The following L3MBTL4 variants were observed in gnomAD, a reference collection of about 807,000 sequenced individuals.
L3MBTL4 encodes lethal(3)malignant brain tumor-like protein 4.
L3MBTL4 carries 70 observed loss-of-function variants against 84.5 expected under a neutral mutation model. The observed-to-expected ratio is 0.83, with a 90% CI of 0.68 to 1.01. The LOEUF is 1.01. Ranked by LOEUF, L3MBTL4 falls within the 50% of genes least tolerant of loss-of-function variation. The pLI, the probability that L3MBTL4 is intolerant of heterozygous loss-of-function variation, is 0.00. For missense variants in L3MBTL4, 715 were observed against 754.8 expected (o/e 0.95, Z 0.62); for synonymous variants, 274 against 259.8 (o/e 1.05, Z -0.52).
At chr18:6,399,506 G>T (rs1396188190) in intron 1 of L3MBTL4, among the ~76,000 whole-genome samples, 1 of 152,112 alleles carries the variant, frequency 6.6e-6, no homozygotes, top group African/African-American at 2.4e-5. Context: ...GTTCTTGAAG[G>T]TATATTAACT....
intron 5 of L3MBTL4, among the ~76,000 whole-genome samples, chr18:6,252,036 G>A (rs186812235): frequency 1.3e-5 from 2 of 152,328 alleles, no homozygotes; most frequent in East Asian, 3.9e-4. Context: ...GACAGGCCGG[G>A]CACGGTGGCT....
At chr18:6,291,896 A>C (rs1450823199) in intron 4 of L3MBTL4, among the ~76,000 whole-genome samples, 1 of 152,220 alleles carries the variant, frequency 6.6e-6, no homozygotes, top group African/African-American at 2.4e-5. Flanking sequence ...AGGAACCATC[A>C]ACAAAGTGAA....
At chr18:6,072,845 C>CAG (rs912711815) in intron 16 of L3MBTL4, among the ~76,000 whole-genome samples, 2 of 95,566 alleles carry the variant, frequency 2.1e-5, no homozygotes, top group Admixed American at 2.9e-4. Flanking sequence ...GCCTGGGTGA[C>CAG]AGAGAGAGAG....
chr18:6,407,164 G>A (rs886805199), intron 1 of L3MBTL4, among the ~76,000 whole-genome samples: 2 of 152,124 alleles, frequency 1.3e-5, no homozygotes, highest in African/African-American at 4.8e-5. Context: ...GAATAAAGTG[G>A]CCCTAAAGAT....
chr18:6,234,858 A>T (rs1161962019), intron 10 of L3MBTL4, among the ~76,000 whole-genome samples: 1 of 152,216 alleles, frequency 6.6e-6, no homozygotes, highest in African/African-American at 2.4e-5. Flanking sequence ...CTGTAAAGAC[A>T]CATGCACATG....
intron 10 of L3MBTL4, among the ~76,000 whole-genome samples, chr18:6,230,217 G>A (rs552161733): frequency 1.3e-4 from 19 of 151,868 alleles, no homozygotes; most frequent in African/African-American, 4.1e-4. Flanking sequence ...GTAGATTTTC[G>A]ATCTCTCTCC....
intron 16 of L3MBTL4, among the ~76,000 whole-genome samples, chr18:6,014,084 C>T (rs1450289626): frequency 1.3e-5 from 2 of 152,142 alleles, no homozygotes; most frequent in African/African-American, 2.4e-5. Context: ...TACTCTGGGC[C>T]TCGATTTTCT....
intron 12 of L3MBTL4, among the ~76,000 whole-genome samples, chr18:6,190,052 G>A (rs1287626977): frequency 6.6e-6 from 1 of 151,628 alleles, no homozygotes; most frequent in African/African-American, 2.4e-5. Flanking sequence ...AAACATGGGG[G>A]CAAAAAAAAG....
intron 16 of L3MBTL4, among the ~76,000 whole-genome samples, chr18:6,049,219 C>A (rs1361986189): frequency 1.3e-5 from 2 of 152,112 alleles, no homozygotes; most frequent in African/African-American, 4.8e-5. Context: ...GACTAAAAAG[C>A]AATTGCAACG....
At position 6,278,471 on chromosome 18, in the gene L3MBTL4, CTA is replaced by C. The variant is rs1170519189; in HGVS notation, c.128-14435_128-14434del. Among the ~76,000 whole-genome samples the C allele has an allele frequency of 5.9e-5, 9 of 152,226 alleles. No individual in the cohort carries two copies. The East Asian group carries it at 1.3e-3, about 23-fold the overall frequency. ...AGTAATATACCAGGATATCATTCTT[CTA>C]ATATATTGCTGGATTATATTTGCCA... On this transcript the variant is annotated intron_variant, in intron 4 of 18. Transcript: ENST00000317931.
intron 1 of L3MBTL4, among the ~76,000 whole-genome samples, chr18:6,335,267 G>T (rs7230458): frequency 0.2 from 31,089 of 151,796 alleles, 4,180 homozygotes; most frequent in African/African-American, 0.39. Context: ...ATTTTTGCAT[G>T]TTTAGTAGAG....
At chr18:6,347,527 A>T (rs926983362) in intron 1 of L3MBTL4, among the ~76,000 whole-genome samples, 2 of 151,720 alleles carry the variant, frequency 1.3e-5, no homozygotes, top group Non-Finnish European at 2.9e-5. Flanking sequence ...TCAATATTCT[A>T]AAATTAATTA....
chr18:6,098,118 T>C (rs2143783390), intron 14 of L3MBTL4, among the ~76,000 whole-genome samples: 1 of 152,292 alleles, frequency 6.6e-6, no homozygotes, highest in East Asian at 1.9e-4. Context: ...ATCAACAATG[T>C]TTCATTTTCT....
intron 14 of L3MBTL4, among the ~76,000 whole-genome samples, chr18:6,130,474 C>G (rs753628914): frequency 6.6e-6 from 1 of 152,090 alleles, no homozygotes. Context: ...AAATGCTCCT[C>G]TTCTATTTGT....
At chr18:5,958,156 A>C (rs1599560688) in intron 18 of L3MBTL4, among the ~76,000 whole-genome samples, 1 of 65,524 alleles carries the variant, frequency 1.5e-5, no homozygotes, top group African/African-American at 5.8e-5. Context: ...AAGAAGAAGA[A>C]GAACAAGAAG....
At chr18:6,349,584 TA>T (rs527456172) in intron 1 of L3MBTL4, among the ~76,000 whole-genome samples, 13 of 152,022 alleles carry the variant, frequency 8.6e-5, no homozygotes, top group Non-Finnish European at 1.9e-4. Context: ...ATAAATTAGC[TA>T]GGTGTGGTGG....
At chr18:6,305,976 G>A (rs1296877086) in intron 3 of L3MBTL4, among the ~76,000 whole-genome samples, 1 of 152,118 alleles carries the variant, frequency 6.6e-6, no homozygotes, top group Non-Finnish European at 1.5e-5. Flanking sequence ...GCTCTCCTTT[G>A]CTGTCAGACC....
At chr18:6,220,394 T>G (rs976477073) in intron 10 of L3MBTL4, among the ~76,000 whole-genome samples, 1 of 152,160 alleles carries the variant, frequency 6.6e-6, no homozygotes, top group Non-Finnish European at 1.5e-5. Flanking sequence ...CAAGTTCTTG[T>G]ACTTGTTGTT....
intron 16 of L3MBTL4, among the ~76,000 whole-genome samples, chr18:6,078,905 C>A (rs371148842): frequency 6.6e-6 from 1 of 152,268 alleles, no homozygotes; most frequent in East Asian, 1.9e-4. Context: ...AGTGACAGAT[C>A]GTCAGGTATT....
Sources: allele counts gnomAD v4.1 joint callset (sites outside exome capture counted in the v4.1 genomes callset), GRCh38; gene constraint gnomAD v4.1.1; transcripts MANE v1.5; gene names NCBI Gene and HGNC (gene_info 2026-07-23, HGNC 2026-07-21).